HUNK: variants seen among roughly 807,000 people sequenced by gnomAD.
The protein encoded by HUNK is hormonally up-regulated neu tumor-associated kinase.
A neutral mutation model predicts 61.0 loss-of-function variants in HUNK; 21 were observed. The ratio of observed to expected loss-of-function variants is 0.34; its 90% CI spans 0.24 to 0.50. HUNK has a LOEUF of 0.50. Among genes scored for constraint, HUNK ranks in the 20% least tolerant of loss-of-function variants. HUNK has a pLI of 0.98. For missense variants in HUNK, 772 were observed against 945.7 expected, an observed-to-expected ratio of 0.82 and a Z score of 2.41; for synonymous variants, 371 against 386.1, an observed-to-expected ratio of 0.96 and a Z score of 0.46.
chr21:31,888,279 T>C (rs1186425415), intron 1 of HUNK, among the ~76,000 whole-genome samples: 2 of 151,860 alleles, frequency 1.3e-5, no homozygotes, highest in Non-Finnish European at 2.9e-5. Context: ...CATGAATGAG[T>C]GAAGAAGTAA....
chr21:31,890,007 A>G (rs1313846773), intron 1 of HUNK, among the ~76,000 whole-genome samples: 3 of 152,152 alleles, frequency 2.0e-5, no homozygotes, highest in Non-Finnish European at 2.9e-5. Flanking sequence ...TATATTTTTA[A>G]GTATTTTTGA....
At chr21:31,997,395 G>A (rs75416404) in intron 10 of HUNK, among the ~76,000 whole-genome samples, 2,344 of 152,312 alleles carry the variant, frequency 0.015, 56 homozygotes, top group African/African-American at 0.053. Context: ...CAAAAGTCAC[G>A]AGGGAGCCTT....
chr21:31,936,031 A>G (rs1357296810), intron 2 of HUNK, among the ~76,000 whole-genome samples: 1 of 152,078 alleles, frequency 6.6e-6, no homozygotes, highest in Non-Finnish European at 1.5e-5. Flanking sequence ...TCCTGACTTC[A>G]GGTGATCAAC....
Position 31,924,410 on chromosome 21 carries a change from A to G in HUNK, c.262-58A>G. ...TTTTCTTGGGTTCCTGTGAGTAGCC[A>G]AGGCATCGCTATTGTCTGTAATGTC... On this transcript the variant is annotated intron_variant, in intron 1 of 10. Transcript: ENST00000270112. The surrounding 1 kb of genome is among the most constrained non-coding windows in gnomAD (Gnocchi z 5.1). 6.6e-7 allele frequency: 1 copy of G among 1,517,604 alleles called. No homozygotes were observed. The highest frequency in any genetic ancestry group is 8.9e-7 in the Non-Finnish European group (1 of 1,120,678). 94.0% of individuals were successfully genotyped at this position (1,517,604 alleles called of 1,614,324 possible).
chr21:31,922,451 C>A (rs546119131), intron 1 of HUNK, among the ~76,000 whole-genome samples: 1 of 148,864 alleles, frequency 6.7e-6, no homozygotes, highest in Admixed American at 6.7e-5. Flanking sequence ...CTAAGCCTCC[C>A]GAGTAGCTGG....
intron 7 of HUNK, among the ~76,000 whole-genome samples, chr21:31,979,698 G>T (rs1435005428): frequency 6.6e-6 from 1 of 150,980 alleles, no homozygotes; most frequent in East Asian, 2.0e-4. Flanking sequence ...TGTATTTTTA[G>T]TAGAGACAGG....
intron 1 of HUNK, among the ~76,000 whole-genome samples, chr21:31,906,250 C>T (rs1379505255): frequency 6.6e-6 from 1 of 151,348 alleles, no homozygotes; most frequent in Non-Finnish European, 1.5e-5. Context: ...GGAGGCATAC[C>T]GAGGTTAAGT....
chr21:31,981,400 G>A (rs886112610), intron 7 of HUNK, among the ~76,000 whole-genome samples: 3 of 149,864 alleles, frequency 2.0e-5, no homozygotes, highest in African/African-American at 7.4e-5. Context: ...TGTGAAAAAC[G>A]TCATTGGAAT....
chr21:31,979,772 C>T (rs2053081706), intron 7 of HUNK, among the ~76,000 whole-genome samples: 1 of 152,090 alleles, frequency 6.6e-6, no homozygotes, highest in Non-Finnish European at 1.5e-5. Flanking sequence ...ACCTTGGCCT[C>T]CCAAAGTGCT....
intron 5 of HUNK, among the ~76,000 whole-genome samples, chr21:31,965,594 CTTTTTTTTTTTT>C (rs71193162): frequency 1.6e-5 from 2 of 127,482 alleles, no homozygotes; most frequent in Non-Finnish European, 3.3e-5. Flanking sequence ...CTTTGTTTTT[CTTTTTTTTTTTT>C]TTTTTTTAAT....
intron 8 of HUNK, among the ~76,000 whole-genome samples, chr21:31,989,790 G>A (rs2053159435): frequency 6.6e-6 from 1 of 151,760 alleles, no homozygotes; most frequent in Admixed American, 6.6e-5. Flanking sequence ...TGGCAGGGAG[G>A]ACCTTCCAGA....
chr21:31,883,923 C>A (rs1183043451), intron 1 of HUNK, among the ~76,000 whole-genome samples: 2 of 152,164 alleles, frequency 1.3e-5, no homozygotes, highest in South Asian at 4.2e-4. Context: ...TCAGGCTAGG[C>A]AGGTTGGTTC....
chr21:31,961,525 G>A (rs548442457), intron 5 of HUNK, among the ~76,000 whole-genome samples: 68 of 152,266 alleles, frequency 4.5e-4, no homozygotes, highest in African/African-American at 1.5e-3. Flanking sequence ...AGCAATATGT[G>A]CATGATCTCT....
intron 1 of HUNK, among the ~76,000 whole-genome samples, chr21:31,903,057 G>C (rs1002619020): frequency 2.0e-5 from 3 of 151,358 alleles, no homozygotes; most frequent in Non-Finnish European, 4.4e-5. Flanking sequence ...ATCTTGATTC[G>C]ATGAAAGCCA....
intron 1 of HUNK, among the ~76,000 whole-genome samples, chr21:31,875,769 A>G (rs2052257255): frequency 6.6e-6 from 1 of 152,200 alleles, no homozygotes; most frequent in Admixed American, 6.5e-5. Context: ...ACATAACGGA[A>G]AGAAGCGAGT....
chr21:31,934,970 T>C (rs1002212938), intron 2 of HUNK, among the ~76,000 whole-genome samples: 1 of 152,200 alleles, frequency 6.6e-6, no homozygotes. Context: ...TAGTGTCTTT[T>C]GGGTAGAATG....
chr21:31,930,711 C>T (rs1461651742), intron 2 of HUNK, among the ~76,000 whole-genome samples: 1 of 152,204 alleles, frequency 6.6e-6, no homozygotes, highest in South Asian at 2.1e-4. Flanking sequence ...CAGCTAGTGT[C>T]AGAGTTTGCA....
intron 4 of HUNK, among the ~76,000 whole-genome samples, chr21:31,947,097 C>G (rs2052809832): frequency 6.6e-6 from 1 of 150,612 alleles, no homozygotes; most frequent in Non-Finnish European, 1.5e-5. Context: ...ATATCCCAGT[C>G]TCAAACCAGT....
At chr21:31,996,746 G>A (rs933830609) in intron 10 of HUNK, among the ~76,000 whole-genome samples, 3 of 152,306 alleles carry the variant, frequency 2.0e-5, no homozygotes, top group Admixed American at 6.5e-5. Context: ...AGAGAGGGCC[G>A]TGGCTGTCTG....
Sources: allele counts gnomAD v4.1 joint callset (sites outside exome capture counted in the v4.1 genomes callset), GRCh38; gene constraint gnomAD v4.1.1; non-coding constraint Gnocchi (gnomAD v3.1); transcripts MANE v1.5; gene names NCBI Gene and HGNC (gene_info 2026-07-23, HGNC 2026-07-21).